ARPIN: variants seen among roughly 807,000 people sequenced by gnomAD.
ARPIN encodes the protein actin related protein 2/3 complex inhibitor.
In ARPIN, 23 loss-of-function variants were observed where a neutral mutation model predicts 25.9. The ratio of observed to expected loss-of-function variants is 0.89; its 90% CI spans 0.64 to 1.26. ARPIN has a LOEUF of 1.26. Among genes scored for constraint, ARPIN ranks in the 50% most tolerant of loss-of-function variants. The probability of loss-of-function intolerance (pLI) is 0.00; values close to 1 mark genes in which losing one functional copy is unlikely to be tolerated. For synonymous variants in ARPIN, 126 were observed against 131.4 expected (o/e 0.96, Z 0.28); for missense variants, 333 against 312.2 (o/e 1.07, Z -0.50).
chr15:89,910,585 A>G (rs1237868858), intron 2 of ARPIN, among the ~76,000 whole-genome samples, 159 bp downstream of exon 2: 1 of 152,204 alleles, frequency 6.6e-6, no homozygotes, highest in African/African-American at 2.4e-5. Context: ...TGGTGGTCCC[A>G]TTTGGCTATA....
chr15:89,903,398 T>C lies in ARPIN; in HGVS notation c.509-19A>G. The C allele has an allele frequency of 6.2e-7, 1 of 1,614,040 alleles. No homozygotes were observed. On this transcript the variant is annotated intron_variant, in intron 4 of 5. Coordinates refer to ENST00000357484, the MANE Select transcript of ARPIN (RefSeq NM_182616.4). ...AATGAATCTGAAAGAAGAGATGAAA[T>C]TGAATGTCCTCTGTCCCTGTGGCAG... is the stretch of plus-strand genomic sequence containing the variant.
In ARPIN at chr15:89,898,373, A is replaced by G. The variant is rs989742656; in HGVS notation, c.*3422T>C. 3.3e-5 allele frequency: 5 copies of G among 152,226 alleles called. 1 individual carries two copies. Among genetic ancestry groups the G allele is most frequent in the African/African-American group, 9.6e-5 (4 of 41,452 alleles). 9.4% of individuals were successfully genotyped at this position (152,226 alleles called of 1,614,324 possible). On this transcript the variant is annotated 3_prime_UTR_variant, in exon 6 of 6. Coordinates refer to ENST00000357484, the MANE Select transcript of ARPIN (RefSeq NM_182616.4). ...AACAGCCAGCCCCTCCATGGGACCA[A>G]CACAGCCCTTCCCAAACTGTTTCTC...
intron 2 of ARPIN, among the ~76,000 whole-genome samples, chr15:89,910,122 G>A (rs971931826): frequency 6.6e-5 from 10 of 152,176 alleles, no homozygotes; most frequent in Admixed American, 5.9e-4. Context: ...TGTTCTCATG[G>A]GGTACAGGAG....
At chr15:89,912,659 C>CCCCGGGGGGGG in intron 1 of ARPIN, 85 bp downstream of exon 1, 8 of 1,161,486 alleles carry the variant, frequency 6.9e-6, no homozygotes, top group Middle Eastern at 3.8e-4. Context: ...TTCCCCCACC[C>CCCCGGGGGGGG]GCATCCCACC....
At position 89,903,276 on chromosome 15, in the gene ARPIN, A is replaced by G. The variant is rs1023397170; in HGVS notation, c.612T>C (p.Cys204=). 1.1e-5 allele frequency: 17 copies of G among 1,613,848 alleles called. No homozygotes were observed. The highest frequency in any genetic ancestry group is 1.7e-5 in the Admixed American group (1 of 59,962). The change falls in exon 5 of 6, where the codon TGT becomes TGC. Residue 204 remains cysteine, a synonymous_variant. Coordinates refer to ENST00000357484, the MANE Select transcript of ARPIN (RefSeq NM_182616.4). ...SWTDNIMAQK[C]SKGAAAEIRE... is the part of the protein sequence containing the mutation. Reference sequence around the variant, plus strand: ...GGATCTCCGCTGCAGCCCCCTTCGAACACTTTTGGGCCATGATGTTGTCTG... The same window carrying G: ...GGATCTCCGCTGCAGCCCCCTTCGAGCACTTTTGGGCCATGATGTTGTCTG...
chr15:89,907,961 C>T (rs995394511), intron 3 of ARPIN, among the ~76,000 whole-genome samples: 1 of 152,330 alleles, frequency 6.6e-6, no homozygotes, highest in East Asian at 1.9e-4. Flanking sequence ...AAACAGAGAC[C>T]GCCTAGGGCC....
intron 3 of ARPIN, among the ~76,000 whole-genome samples, chr15:89,906,359 G>A (rs1315372342): frequency 2.1e-4 from 32 of 152,082 alleles, no homozygotes; most frequent in Admixed American, 6.5e-5. Flanking sequence ...TCATACCTGG[G>A]TCAGGAACTC....
chr15:89,912,887 G>A lies in ARPIN; in HGVS notation c.-52C>T, dbSNP rs909199980. ...ACAGAGCCGGCGCACTGGGCTGGGGGCGCGGCGCGGGAAGTGCTGCAGGAC... is the reference window on the plus strand; with the variant it reads ...ACAGAGCCGGCGCACTGGGCTGGGGACGCGGCGCGGGAAGTGCTGCAGGAC... On this transcript the variant is annotated 5_prime_UTR_variant, in exon 1 of 6. Transcript: ENST00000357484. The A allele has an allele frequency of 8.2e-6, 12 of 1,471,892 alleles. No individual in the cohort carries two copies. In the Admixed American group the frequency reaches 2.0e-4, roughly 25 times the overall value. 91.2% of individuals were successfully genotyped at this position (1,471,892 alleles called of 1,614,324 possible). A position where few individuals can be genotyped will look rare whatever the true frequency, so the allele number is the denominator to read the frequency against.
chr15:89,899,103 T>TG lies in ARPIN; in HGVS notation c.*2691dup, dbSNP rs1896976438. ...CTATTCTTTTTTTTTTTTTTTTTTT[T>TG]GAGACAGGGTCTCACTGTGTTGCCC... On this transcript the variant is annotated 3_prime_UTR_variant, in exon 6 of 6. Transcript: ENST00000357484. 1 of 150,626 alleles carries TG rather than the reference T, an allele frequency of 6.6e-6. No homozygotes were observed. The highest frequency in any genetic ancestry group is 2.5e-5 in the African/African-American group (1 of 40,592). 9.3% of individuals were successfully genotyped at this position (150,626 alleles called of 1,614,324 possible). A position where few individuals can be genotyped will look rare whatever the true frequency, so the allele number is the denominator to read the frequency against.
At chr15:89,908,189 A>G in intron 3 of ARPIN, 91 bp downstream of exon 3, 1 of 1,567,432 alleles carries the variant, frequency 6.4e-7, no homozygotes, top group Non-Finnish European at 8.7e-7. Flanking sequence ...GGCTGAAGAG[A>G]CACTTTCCAG....
At position 89,912,689 on chromosome 15, in the gene ARPIN, C is replaced by A. The variant is rs1393279017; in HGVS notation, c.92+55G>T. On this transcript the variant is annotated intron_variant, in intron 1 of 5. Coordinates refer to ENST00000357484, the MANE Select transcript of ARPIN (RefSeq NM_182616.4). ...CCCACCCCCCCACCCGATCCTGTTG[C>A]GGGGTTCGAGCCGGGGCAGGGGAGG... 5.1e-5 allele frequency: 39 copies of A among 768,834 alleles called. No individual in the cohort carries two copies. In the African/African-American group the frequency reaches 9.1e-4, roughly 18 times the overall value. 47.6% of individuals were successfully genotyped at this position (768,834 alleles called of 1,614,324 possible). A position where few individuals can be genotyped will look rare whatever the true frequency, so the allele number is the denominator to read the frequency against.
intron 3 of ARPIN, among the ~76,000 whole-genome samples, chr15:89,906,536 C>A (rs1897122875): frequency 6.6e-6 from 1 of 152,164 alleles, no homozygotes; most frequent in Non-Finnish European, 1.5e-5. Flanking sequence ...GGGATCCAGG[C>A]CCGGGCCTGT....
At chr15:89,910,284 G>A (rs934945474) in intron 2 of ARPIN, among the ~76,000 whole-genome samples, 3 of 152,052 alleles carry the variant, frequency 2.0e-5, no homozygotes, top group South Asian at 2.1e-4. Flanking sequence ...CGGAACTAGC[G>A]CTCCGAAAAA....
intron 2 of ARPIN, 68 bp from the exon 3 acceptor site, chr15:89,908,480 CT>C: frequency 1.3e-6 from 2 of 1,590,906 alleles, no homozygotes; most frequent in Non-Finnish European, 1.7e-6. Flanking sequence ...TGGGCTCCGG[CT>C]GCAGCCCCGC....
At chr15:89,902,785 G>A in intron 5 of ARPIN, 1 of 984,960 alleles carries the variant, frequency 1.0e-6, no homozygotes, top group Non-Finnish European at 1.2e-6. Context: ...CTCATCAAAA[G>A]AAAAACCAGT....
In ARPIN at chr15:89,900,483, A is replaced by C. The variant is rs1897000140; in HGVS notation, c.*1312T>G. On this transcript the variant is annotated 3_prime_UTR_variant, in exon 6 of 6. Transcript: ENST00000357484. ...CTCTTGCCACTGTATACTATCCTAG[A>C]GCTCTGAGCTTTAGTCTCATGAGAA... The C allele has an allele frequency of 6.6e-6, 1 of 152,160 alleles. No homozygotes were observed. Among genetic ancestry groups the C allele is most frequent in the Non-Finnish European group, 1.5e-5 (1 of 68,058 alleles). The allele number at this position is 152,160 out of a possible 1,614,324, so 9.4% of individuals were successfully genotyped here.
At chr15:89,909,429 T>C (rs1472875307) in intron 2 of ARPIN, among the ~76,000 whole-genome samples, 1 of 152,134 alleles carries the variant, frequency 6.6e-6, no homozygotes, top group Admixed American at 6.5e-5. Flanking sequence ...TGGGACAGTA[T>C]AGGAAATAAA....
intron 1 of ARPIN, chr15:89,912,033 C>A (rs928519679): frequency 4.5e-6 from 1 of 223,784 alleles, no homozygotes; most frequent in African/African-American, 2.3e-5. Flanking sequence ...CACCATTAGG[C>A]TGGTCTCAAA....
At position 89,899,378 on chromosome 15, in the gene ARPIN, C is replaced by T. The variant is rs1441552078; in HGVS notation, c.*2417G>A. 8 of 152,442 alleles carry T rather than the reference C, an allele frequency of 5.2e-5. No individual in the cohort carries two copies. The highest frequency in any genetic ancestry group is 5.2e-4 in the Admixed American group (8 of 15,278). 9.4% of individuals were successfully genotyped at this position (152,442 alleles called of 1,614,324 possible). A position where few individuals can be genotyped will look rare whatever the true frequency, so the allele number is the denominator to read the frequency against. On this transcript the variant is annotated 3_prime_UTR_variant, in exon 6 of 6. Transcript: ENST00000357484. The stretch of plus-strand genomic sequence containing the variant: ...AAGATTACAGGCGTGAGCGACTGCA[C>T]CCAGCCCTGGGGCCCTGTTCTTATC...
Sources: allele counts gnomAD v4.1 joint callset (sites outside exome capture counted in the v4.1 genomes callset), GRCh38; gene constraint gnomAD v4.1.1; transcripts MANE v1.5; gene names NCBI Gene and HGNC (gene_info 2026-07-23, HGNC 2026-07-21).